Variants in PUS7 observed in about 807,000 individuals in gnomAD.
PUS7 encodes the protein pseudouridylate synthase 7 homolog.
A neutral mutation model predicts 79.8 loss-of-function variants in PUS7; 48 were observed. The ratio of observed to expected loss-of-function variants is 0.60; its 90% confidence interval spans 0.48 to 0.76. PUS7 has a LOEUF of 0.76. PUS7 is among the 30% of genes least tolerant of loss of function. The probability of loss-of-function intolerance (pLI) is 0.00; values close to 1 mark genes in which losing one functional copy is unlikely to be tolerated. For missense variants in PUS7, 729 were observed against 797.6 expected (o/e 0.91, Z 1.04); for synonymous variants, 286 against 272.2 (o/e 1.05, Z -0.50).
intron 7 of PUS7, among the ~76,000 whole-genome samples, chr7:105,483,176 CCTT>C (rs984334059): frequency 1.3e-4 from 13 of 102,776 alleles, no homozygotes; most frequent in Non-Finnish European, 2.0e-4. Flanking sequence ...TTCTTTCTTT[CCTT>C]TTTTTTTTTT....
At chr7:105,502,342 G>T in intron 5 of PUS7, 78 bp downstream of exon 5, 2 of 1,543,330 alleles carry the variant, frequency 1.3e-6, no homozygotes, top group South Asian at 2.3e-5. Flanking sequence ...CCTTGAACAC[G>T]AACGGGCAAG....
rs771191481 is a variant in PUS7, at chr7:105,482,244, C to T, written c.1049+68G>A. 3.5e-5 allele frequency: 54 copies of T among 1,544,998 alleles called. 1 individual carries two copies. In the South Asian group the frequency reaches 4.3e-4, roughly 12 times the overall value. On this transcript the variant is annotated intron_variant, in intron 8 of 15. Transcript: ENST00000469408. ...AGCTCACCAGGACCTTATGACCAAC[C>T]GTGAGTAACATACTCAAGATGCCCT...
At chr7:105,464,858 G>C (rs1386889616) in intron 13 of PUS7, among the ~76,000 whole-genome samples, 1 of 126,072 alleles carries the variant, frequency 7.9e-6, no homozygotes, top group Admixed American at 1.0e-4. Flanking sequence ...TTGCTCTGTC[G>C]CTGAGGCTGG....
Position 105,472,179 on chromosome 7 carries a change from T to C in PUS7, c.1190A>G (p.Asn397Ser). 7 of 1,592,628 alleles carry C rather than the reference T, an allele frequency of 4.4e-6. No individual in the cohort carries two copies. Among genetic ancestry groups the C allele is most frequent in the Non-Finnish European group, 6.0e-6 (7 of 1,162,388 alleles). Reference sequence around the variant, plus strand: ...TAAATCCATGACTTCTGTCCAGGAATTTTGTAGTATAGCTCTAAAATTAAA... The same window carrying C: ...TAAATCCATGACTTCTGTCCAGGAACTTTGTAGTATAGCTCTAAAATTAAA... The part of the protein sequence containing the change: ...TYQVGRAILQ[N>S]SWTEVMDLIL... Residue 397 changes from asparagine to serine, a missense_variant, in exon 10 of 16, where the codon AAT becomes AGT. By Grantham distance (46) the Asn-to-Ser change is conservative. Transcript: ENST00000469408.
At chr7:105,504,019 G>A (rs1039939218) in intron 4 of PUS7, among the ~76,000 whole-genome samples, 2 of 150,962 alleles carry the variant, frequency 1.3e-5, no homozygotes, top group Non-Finnish European at 2.9e-5. Flanking sequence ...TAACCTGCAA[G>A]CTGAAAACAT....
At chr7:105,482,012 G>C (rs1824342207) in intron 8 of PUS7, among the ~76,000 whole-genome samples, 1 of 152,218 alleles carries the variant, frequency 6.6e-6, no homozygotes, top group Non-Finnish European at 1.5e-5. Flanking sequence ...TTACAGGCGT[G>C]AGCCACTGCG....
intron 11 of PUS7, among the ~76,000 whole-genome samples, chr7:105,469,277 T>C (rs1055461459): frequency 6.6e-6 from 1 of 151,874 alleles, no homozygotes; most frequent in African/African-American, 2.4e-5. Context: ...CCTTCTACTT[T>C]AATCTCTCAT....
At chr7:105,483,323 C>T (rs1004334136) in intron 7 of PUS7, among the ~76,000 whole-genome samples, 16 of 152,004 alleles carry the variant, frequency 1.1e-4, no homozygotes, top group African/African-American at 1.9e-4. Flanking sequence ...CCACCATGCC[C>T]GGCTAATTTT....
In PUS7 at chr7:105,506,417, AT is replaced by A. The variant is rs892471924; in HGVS notation, c.399-145del. 4.0e-4 allele frequency: 228 copies of A among 566,586 alleles called. 1 individual carries two copies. Among genetic ancestry groups the A allele is most frequent in the Admixed American group, 5.4e-4 (15 of 27,794 alleles). The allele number at this position is 566,586 out of a possible 1,614,324, so 35.1% of individuals were successfully genotyped here. On this transcript the variant is annotated intron_variant, in intron 2 of 15. Transcript: ENST00000469408. ...TTCAGTGCAAAATCACATGGAGTTA[AT>A]TTTTTTTTTCTTTTTTTTTTTTGAG...
At chr7:105,501,888 G>A in intron 5 of PUS7, among the ~76,000 whole-genome samples, 1 of 151,186 alleles carries the variant, frequency 6.6e-6, no homozygotes. Flanking sequence ...CCAGGAGGCG[G>A]AGCTTGCAGT....
chr7:105,496,940 C>A (rs1174952782), intron 5 of PUS7: 1 of 1,198,992 alleles, frequency 8.3e-7, no homozygotes, highest in Admixed American at 2.5e-5. Context: ...ACATGAAATG[C>A]CAAATGCTCT....
chr7:105,491,472 T>C, intron 7 of PUS7, 68 bp downstream of exon 7: 3 of 1,030,628 alleles, frequency 2.9e-6, no homozygotes, highest in South Asian at 1.7e-5. Context: ...CCAAAGTAAA[T>C]TTGAGAATTC....
At chr7:105,518,498 C>T (rs1825980008) in intron 1 of PUS7, among the ~76,000 whole-genome samples, 1 of 151,024 alleles carries the variant, frequency 6.6e-6, no homozygotes, top group Admixed American at 6.6e-5. Context: ...GACCTCCCAG[C>T]TCAAGCGATC....
At chr7:105,498,611 A>G (rs1422248593) in intron 5 of PUS7, among the ~76,000 whole-genome samples, 2 of 152,186 alleles carry the variant, frequency 1.3e-5, no homozygotes, top group African/African-American at 4.8e-5. Flanking sequence ...GAAAGATGAA[A>G]AGATGGGGTA....
Position 105,457,864 on chromosome 7 carries a change from C to T in PUS7, c.1912G>A (p.Ala638Thr), listed in dbSNP as rs758639824. The T allele has an allele frequency of 6.2e-6, 10 of 1,613,946 alleles. No individual in the cohort carries two copies. Among genetic ancestry groups the T allele is most frequent in the Non-Finnish European group, 8.5e-6 (10 of 1,179,914 alleles). The change falls in exon 16 of 16, where the codon GCC (alanine) becomes ACC (threonine). Residue 638 changes from alanine (A) to threonine (T), a missense_variant. Transcript: ENST00000469408. ...TCCATTTTTAGCACTTCTCGAATGGCCATGGTGGCGTAAGTAGAAGGGGGT... is the reference window on the plus strand; with the variant it reads ...TCCATTTTTAGCACTTCTCGAATGGTCATGGTGGCGTAAGTAGAAGGGGGT... ...SLPPSTYATM[A>T]IREVLKMDTS...
intron 4 of PUS7, among the ~76,000 whole-genome samples, chr7:105,503,694 G>A (rs1562814604): frequency 1.3e-5 from 2 of 151,706 alleles, no homozygotes; most frequent in South Asian, 2.1e-4. Flanking sequence ...GTGCAGTGAT[G>A]CGACCTTGGC....
rs1281429270 is a variant in PUS7 at position 105,505,125 on chromosome 7, C to T, written c.585+830G>A. ...AAGAGATTCTCTTGCCTCAGCCTCCCAAGTAGCTGGGACTACAGGCCTGCG... is the reference window on the plus strand; with the variant it reads ...AAGAGATTCTCTTGCCTCAGCCTCCTAAGTAGCTGGGACTACAGGCCTGCG... On this transcript the variant is annotated intron_variant, in intron 4 of 15. Transcript: ENST00000469408. Among the ~76,000 whole-genome samples, 3 of 151,378 alleles carry T rather than the reference C, an allele frequency of 2.0e-5. No homozygotes were observed. The East Asian group carries it at 5.8e-4, about 29-fold the overall frequency.
chr7:105,480,982 A>ACAC, intron 9 of PUS7, 70 bp downstream of exon 9: 1 of 1,502,912 alleles, frequency 6.7e-7, no homozygotes, highest in Non-Finnish European at 9.0e-7. Flanking sequence ...ATAATTAAAA[A>ACAC]CACCACCACC....
At chr7:105,504,704 C>T (rs181272644) in intron 4 of PUS7, among the ~76,000 whole-genome samples, 1 of 152,280 alleles carries the variant, frequency 6.6e-6, no homozygotes, top group African/African-American at 2.4e-5. Context: ...TAAACCTCTG[C>T]ATTGTACAAG....
Sources: gnomAD v4.1 joint callset for allele counts (sites outside exome capture counted in the v4.1 genomes callset) on GRCh38, gnomAD v4.1.1 for gene constraint, MANE v1.5 for transcripts, NCBI Gene and HGNC (gene_info 2026-07-23, HGNC 2026-07-21) for gene names.